ERICH3: variants seen among roughly 807,000 people sequenced by gnomAD.
ERICH3 encodes the protein glutamate rich 3, also known as glutamate-rich protein 3.
In ERICH3, 126 loss-of-function variants were observed where a neutral mutation model predicts 131.1. That is an observed-to-expected ratio of 0.96 (90% CI 0.83 to 1.11). ERICH3 has a LOEUF of 1.11. Ranked by LOEUF, ERICH3 falls within the 50% of genes most tolerant of loss-of-function variation. ERICH3 has a pLI of 0.00. For missense variants in ERICH3, 2,050 were observed against 1,810.7 expected (o/e 1.13, Z -2.40); for synonymous variants, 695 against 644.6 (o/e 1.08, Z -1.18).
At position 74,572,230 on chromosome 1, in the gene ERICH3, C is replaced by A. The variant is rs377071118; in HGVS notation, c.3480G>T (p.Thr1160=). The part of the protein sequence containing the change: ...KETVVPIFEA[T]PGFEKSLENI... ...TTTCCAGCGACTTTTCAAATCCAGG[C>A]GTTGCTTCAAATATGGGAACCACTG... The change falls in exon 14 of 15, where the codon ACG becomes ACT. Residue 1160 remains threonine, a synonymous_variant. Transcript: ENST00000326665. 29 of 1,614,000 alleles carry A rather than the reference C, an allele frequency of 1.8e-5. No individual in the cohort carries two copies. The highest frequency in any genetic ancestry group is 2.3e-5 in the Non-Finnish European group (27 of 1,180,028).
In ERICH3 at chr1:74,648,096, C is replaced by T. The variant is rs983471431; in HGVS notation, c.117+1126G>A. On this transcript the variant is annotated intron_variant, in intron 2 of 14. Coordinates refer to ENST00000326665, the MANE Select transcript of ERICH3 (RefSeq NM_001002912.5). ...ATTTTCTGTAGGGTTTCTGGGTGAC[C>T]CTGAACACTGCTAGCTGAGAGGCTA... Among the ~76,000 whole-genome samples the T allele has an allele frequency of 5.9e-5, 9 of 152,124 alleles. No individual in the cohort carries two copies. In the South Asian group the frequency reaches 8.3e-4, roughly 14 times the overall value.
At chr1:74,663,409 G>A (rs1467676348) in intron 1 of ERICH3, among the ~76,000 whole-genome samples, 1 of 152,074 alleles carries the variant, frequency 6.6e-6, no homozygotes, top group Non-Finnish European at 1.5e-5. Context: ...AGTCACTAAA[G>A]CTCTGTAGTG....
At chr1:74,621,929 C>G (rs930744123) in intron 7 of ERICH3, 5 of 152,174 alleles carry the variant, frequency 3.3e-5, no homozygotes, top group African/African-American at 1.2e-4. Context: ...TCCTTCTCAT[C>G]TACTTCACTT....
At chr1:74,593,547 T>C (rs1233680326) in intron 11 of ERICH3, among the ~76,000 whole-genome samples, 2 of 152,156 alleles carry the variant, frequency 1.3e-5, no homozygotes, top group Non-Finnish European at 2.9e-5. Flanking sequence ...TATTTCTTTA[T>C]AGTCTTTTTT....
intron 9 of ERICH3, among the ~76,000 whole-genome samples, chr1:74,608,967 T>A (rs1381251067): frequency 1.3e-5 from 2 of 152,026 alleles, no homozygotes; most frequent in African/African-American, 4.8e-5. Flanking sequence ...ATGCACAGAC[T>A]TTTTATTGCC....
Position 74,571,729 on chromosome 1 carries a change from TTG to T in ERICH3, c.3979_3980del (p.Gln1327LysfsTer3), listed in dbSNP as rs1646951279. ...TTCCTCCTCCCATGCCCTCATTCTT[TTG>T]TGTGTTTCCTTCTCCTTCCATGTCC... Reference protein sequence around the residue: ...DGDMEGEGNTQKNEGMGGGRV... With the variant: ...DGDMEGEGNTXKNEGMGGGRV... On this transcript the variant is annotated frameshift_variant, in exon 14 of 15. Coordinates refer to ENST00000326665, the MANE Select transcript of ERICH3 (RefSeq NM_001002912.5). LOFTEE classifies it high-confidence loss of function. The T allele has an allele frequency of 2.5e-6, 4 of 1,614,158 alleles. No homozygotes were observed. Among genetic ancestry groups the T allele is most frequent in the Non-Finnish European group, 1.7e-6 (2 of 1,180,034 alleles).
intron 1 of ERICH3, among the ~76,000 whole-genome samples, chr1:74,663,877 T>G (rs189794403): frequency 6.6e-6 from 1 of 152,286 alleles, no homozygotes; most frequent in East Asian, 1.9e-4. Flanking sequence ...TACTTTCAGC[T>G]GAATGTATTC....
chr1:74,572,134 GTCTT>G lies in ERICH3; in HGVS notation c.3572_3575del (p.Lys1191ThrfsTer13), dbSNP rs1240563484. ...TCTCCCTGCTGGACAGCTCTTCTCT[GTCTT>G]TGTGCTCTGTGTCTCTGGCTTCACT... On this transcript the variant is annotated frameshift_variant, in exon 14 of 15. Transcript: ENST00000326665. LOFTEE classifies it high-confidence loss of function. 12 of 1,614,164 alleles carry G rather than the reference GTCTT, an allele frequency of 7.4e-6. No homozygotes were observed. Among genetic ancestry groups the G allele is most frequent in the Non-Finnish European group, 1.0e-5 (12 of 1,180,036 alleles).
At position 74,649,217 on chromosome 1, in the gene ERICH3, C is replaced by G; in HGVS notation, c.117+5G>C. The G allele has an allele frequency of 3.1e-6, 5 of 1,593,072 alleles. No individual in the cohort carries two copies. The highest frequency in any genetic ancestry group is 4.3e-6 in the Non-Finnish European group (5 of 1,168,712). ...AAGGTCAGTGGAAAGTAAACCAAAACTTACCAGTCCTGATCTTAAGAGATG... is the reference window on the plus strand; with the variant it reads ...AAGGTCAGTGGAAAGTAAACCAAAAGTTACCAGTCCTGATCTTAAGAGATG... On this transcript the variant is annotated splice_donor_5th_base_variant and intron_variant, in intron 2 of 14. Coordinates refer to ENST00000326665, the MANE Select transcript of ERICH3 (RefSeq NM_001002912.5).
chr1:74,572,155 G>A lies in ERICH3; in HGVS notation c.3555C>T (p.Ala1185=). The A allele has an allele frequency of 1.2e-6, 2 of 1,613,696 alleles. No individual in the cohort carries two copies. Among genetic ancestry groups the A allele is most frequent in the Non-Finnish European group, 1.7e-6 (2 of 1,179,900 alleles). ...KEGGGERLSE[A]RDTEHKDREE... is the part of the protein sequence containing the mutation. The stretch of plus-strand genomic sequence containing the variant: ...CTCTGTCTTTGTGCTCTGTGTCTCT[G>A]GCTTCACTCAGTCTTTCCCCTCCTC... Residue 1185 remains alanine, a synonymous_variant, in exon 14 of 15, where the codon GCC becomes GCT. Transcript: ENST00000326665.
intron 6 of ERICH3, among the ~76,000 whole-genome samples, chr1:74,632,743 C>T (rs1199831489): frequency 6.6e-6 from 1 of 151,862 alleles, no homozygotes; most frequent in East Asian, 1.9e-4. Flanking sequence ...TATGGTATGA[C>T]CATAAATTTC....
rs1297134396 is a variant in ERICH3 at position 74,586,932 on chromosome 1, A to G, written c.2176+2699T>C. The stretch of plus-strand genomic sequence containing the variant: ...TCTTTTTGTGTGTGATAAACCTATG[A>G]GTAATTTTTCAAAATTACTTTTCTC... On this transcript the variant is annotated intron_variant, in intron 12 of 14. Coordinates refer to ENST00000326665, the MANE Select transcript of ERICH3 (RefSeq NM_001002912.5). 3.5e-4 allele frequency among the ~76,000 whole-genome samples: 53 copies of G among 152,204 alleles called. 1 individual carries two copies. The highest frequency in any genetic ancestry group is 3.5e-3 in the Admixed American group (53 of 15,262).
At chr1:74,629,436 T>C (rs995279207) in intron 7 of ERICH3, among the ~76,000 whole-genome samples, 1 of 151,942 alleles carries the variant, frequency 6.6e-6, no homozygotes, top group Non-Finnish European at 1.5e-5. Context: ...GAGACAGACA[T>C]GATAAGGTCT....
Position 74,568,925 on chromosome 1 carries a change from G to T in ERICH3, c.*1533C>A, listed in dbSNP as rs1306232036. The T allele has an allele frequency of 6.6e-6, 1 of 152,124 alleles. No homozygotes were observed. The highest frequency in any genetic ancestry group is 1.5e-5 in the Non-Finnish European group (1 of 68,014). The allele number at this position is 152,124 out of a possible 1,614,324, so 9.4% of individuals were successfully genotyped here. On this transcript the variant is annotated 3_prime_UTR_variant, in exon 15 of 15. Coordinates refer to ENST00000326665, the MANE Select transcript of ERICH3 (RefSeq NM_001002912.5). ...CCACCAAGAGTTTCTAATTTAGTAGGTAGGAGACAAAGGCTGGGAACAATT... is the reference window on the plus strand; with the variant it reads ...CCACCAAGAGTTTCTAATTTAGTAGTTAGGAGACAAAGGCTGGGAACAATT...
intron 1 of ERICH3, among the ~76,000 whole-genome samples, chr1:74,662,561 G>T (rs749588436): frequency 2.9e-4 from 44 of 151,866 alleles, no homozygotes; most frequent in Admixed American, 2.0e-4. Flanking sequence ...ATATCATTTT[G>T]TTAAAAAAAA....
At chr1:74,610,442 CT>C (rs1270938734) in intron 9 of ERICH3, among the ~76,000 whole-genome samples, 1 of 149,268 alleles carries the variant, frequency 6.7e-6, no homozygotes, top group African/African-American at 2.5e-5. Flanking sequence ...AATGTTCCTC[CT>C]CTTCTTAAGG....
At chr1:74,646,889 G>GACAC (rs141577300) in intron 2 of ERICH3, 97 bp from the exon 3 acceptor site, 3,935 of 246,064 alleles carry the variant, frequency 0.016, 14 homozygotes, top group Middle Eastern at 0.036. Flanking sequence ...AAGACAGACA[G>GACAC]ACACACACAC....
At chr1:74,576,578 T>C (rs1647058718) in intron 13 of ERICH3, among the ~76,000 whole-genome samples, 1 of 152,220 alleles carries the variant, frequency 6.6e-6, no homozygotes, top group Non-Finnish European at 1.5e-5. Flanking sequence ...AGGTGTCTTA[T>C]GTCTTCTGCC....
rs375416615 is a variant in ERICH3 at position 74,631,917 on chromosome 1, T to G, written c.615A>C (p.Ala205=). ...EALFPIGGKK[A]VMKFRNSIGN... is the part of the protein sequence containing the mutation. ...CTATGGAGTTCCTGAACTTCATCAC[T>G]GCCTTCTTGCCCTGTAATCATATTT... Residue 205 remains alanine (A), a synonymous_variant, in exon 7 of 15, where the codon GCA becomes GCC. Transcript: ENST00000326665. 7.7e-5 allele frequency: 124 copies of G among 1,612,092 alleles called. No individual in the cohort carries two copies. The highest frequency in any genetic ancestry group is 3.3e-4 in the Middle Eastern group (2 of 6,048).
Sources: allele counts gnomAD v4.1 joint callset (sites outside exome capture counted in the v4.1 genomes callset), GRCh38; gene constraint gnomAD v4.1.1; transcripts MANE v1.5; gene names NCBI Gene and HGNC (gene_info 2026-07-23, HGNC 2026-07-21).